Variants in FGF12 observed in about 807,000 individuals in gnomAD.
FGF12 encodes fibroblast growth factor 12B.
A neutral mutation model predicts 23.6 loss-of-function variants in FGF12; 14 were observed. The observed-to-expected ratio is 0.59, with a 90% CI of 0.39 to 0.93. FGF12 has a LOEUF of 0.93. Among genes scored for constraint, FGF12 ranks in the 40% least tolerant of loss-of-function variants. The probability of loss-of-function intolerance (pLI) is 0.00; values close to 1 mark genes in which losing one functional copy is unlikely to be tolerated. For synonymous variants in FGF12, 62 were observed against 77.3 expected (o/e 0.80, Z 1.04); for missense variants, 175 against 217.8 (o/e 0.80, Z 1.24).
intron 2 of FGF12, among the ~76,000 whole-genome samples, chr3:192,477,480 A>T (rs1723359838): frequency 6.6e-6 from 1 of 152,210 alleles, no homozygotes; most frequent in South Asian, 2.1e-4. Flanking sequence ...TATTAAGATA[A>T]ATGAAGAATA....
chr3:192,617,379 G>A (rs1714798635), intron 2 of FGF12, among the ~76,000 whole-genome samples: 1 of 152,018 alleles, frequency 6.6e-6, no homozygotes, highest in South Asian at 2.1e-4. Flanking sequence ...CGGAGAGAGT[G>A]GGGTTCAGGA....
At chr3:192,575,433 G>C (rs886383195) in intron 2 of FGF12, among the ~76,000 whole-genome samples, 2 of 152,090 alleles carry the variant, frequency 1.3e-5, no homozygotes, top group Non-Finnish European at 2.9e-5. Flanking sequence ...TTGGAATAAA[G>C]GACATTAACT....
At chr3:192,660,320 C>A (rs1267373904) in intron 2 of FGF12, among the ~76,000 whole-genome samples, 1 of 129,542 alleles carries the variant, frequency 7.7e-6, no homozygotes, top group African/African-American at 3.0e-5. Context: ...TGAGAACACA[C>A]GGACACAAGA....
chr3:192,647,633 T>C (rs1439377437), intron 2 of FGF12, among the ~76,000 whole-genome samples: 2 of 150,790 alleles, frequency 1.3e-5, no homozygotes, highest in Non-Finnish European at 3.0e-5. Context: ...CTGGGGAACA[T>C]AGCTTAACAC....
chr3:192,197,195 T>G (rs542406483), intron 4 of FGF12, among the ~76,000 whole-genome samples: 2 of 152,334 alleles, frequency 1.3e-5, no homozygotes, highest in Admixed American at 6.5e-5. Context: ...AGTATAAAAA[T>G]GTATTTTTAG....
Position 192,616,824 on chromosome 3 carries a change from C to T in FGF12, c.13+110357G>A, listed in dbSNP as rs567985147. Among the ~76,000 whole-genome samples, 7 of 151,722 alleles carry T rather than the reference C, an allele frequency of 4.6e-5. No individual in the cohort carries two copies. In the South Asian group the frequency reaches 1.2e-3, roughly 27 times the overall value. On this transcript the variant is annotated intron_variant, in intron 2 of 5. Transcript: ENST00000445105. The stretch of plus-strand genomic sequence containing the variant: ...TGTGATCATCAATTTATTTTGTGAT[C>T]AACTTGTATCATCCACTCTTTAGAG...
chr3:192,288,570 C>A (rs4687313), intron 4 of FGF12, among the ~76,000 whole-genome samples: 71,139 of 151,840 alleles, frequency 0.47, 17,851 homozygotes, highest in East Asian at 0.94. Flanking sequence ...CACGTTTCCA[C>A]TTAACAGCCT....
intron 4 of FGF12, among the ~76,000 whole-genome samples, chr3:192,228,002 G>A (rs66530556): frequency 0.06 from 9,146 of 152,214 alleles, 302 homozygotes; most frequent in South Asian, 0.08. Context: ...GTCATGGGGG[G>A]ATGAGGAAAG....
intron 2 of FGF12, among the ~76,000 whole-genome samples, chr3:192,538,429 T>G (rs970814991): frequency 3.3e-5 from 5 of 152,218 alleles, no homozygotes; most frequent in African/African-American, 1.2e-4. Flanking sequence ...AAGTTAACTG[T>G]AGACATATGG....
chr3:192,232,152 G>C (rs1719055785), intron 4 of FGF12, among the ~76,000 whole-genome samples: 1 of 151,910 alleles, frequency 6.6e-6, no homozygotes, highest in Non-Finnish European at 1.5e-5. Context: ...GCTATATGTG[G>C]TAGCTCTTTC....
chr3:192,725,799 T>C (rs1719195366), intron 2 of FGF12, among the ~76,000 whole-genome samples: 4 of 152,226 alleles, frequency 2.6e-5, no homozygotes, highest in Non-Finnish European at 4.4e-5. Context: ...TCAGCTAGAA[T>C]ATTACAAACC....
intron 2 of FGF12, among the ~76,000 whole-genome samples, chr3:192,475,638 T>C (rs1560122474): frequency 6.6e-6 from 1 of 152,244 alleles, no homozygotes. Context: ...TAAGTGATTA[T>C]GGATTCCAGT....
Position 192,714,826 on chromosome 3 carries a change from A to C in FGF12, c.13+12355T>G, listed in dbSNP as rs1434414910. Reference sequence around the variant, plus strand: ...AGCCACCGCGCCCGGCCAAGGAAATAATTTTTAAGCCTGACACTTTTCGAA... The same window carrying C: ...AGCCACCGCGCCCGGCCAAGGAAATCATTTTTAAGCCTGACACTTTTCGAA... On this transcript the variant is annotated intron_variant, in intron 2 of 5. Transcript: ENST00000445105. 3.9e-5 allele frequency among the ~76,000 whole-genome samples: 6 copies of C among 152,146 alleles called. 1 individual carries two copies. In the East Asian group the frequency reaches 1.2e-3, roughly 29 times the overall value.
intron 4 of FGF12, among the ~76,000 whole-genome samples, chr3:192,235,825 T>C (rs1719265330): frequency 6.6e-6 from 1 of 152,184 alleles, no homozygotes; most frequent in Non-Finnish European, 1.5e-5. Flanking sequence ...GGCTTGTTCA[T>C]CTTTTATATG....
intron 2 of FGF12, among the ~76,000 whole-genome samples, chr3:192,498,233 T>C (rs758098199): frequency 6.6e-6 from 1 of 152,208 alleles, no homozygotes; most frequent in Non-Finnish European, 1.5e-5. Flanking sequence ...TTTGATTATA[T>C]ATTTGCTCCC....
At chr3:192,325,176 A>G (rs1415039706) in intron 4 of FGF12, among the ~76,000 whole-genome samples, 4 of 152,126 alleles carry the variant, frequency 2.6e-5, no homozygotes, top group Non-Finnish European at 5.9e-5. Flanking sequence ...AGAATTCCAT[A>G]TTTTCTTTCT....
At chr3:192,280,132 G>A (rs1714059597) in intron 4 of FGF12, among the ~76,000 whole-genome samples, 1 of 152,056 alleles carries the variant, frequency 6.6e-6, no homozygotes, top group South Asian at 2.1e-4. Context: ...AGAGTGTGAT[G>A]GGGTTATACA....
At chr3:192,183,436 A>G (rs1354300019) in intron 4 of FGF12, among the ~76,000 whole-genome samples, 2 of 152,206 alleles carry the variant, frequency 1.3e-5, no homozygotes, top group African/African-American at 4.8e-5. Flanking sequence ...GTTTTTGAAA[A>G]AAATCTTTGC....
intron 2 of FGF12, among the ~76,000 whole-genome samples, chr3:192,449,942 G>A (rs979461977): frequency 3.9e-5 from 6 of 152,060 alleles, no homozygotes; most frequent in Non-Finnish European, 7.4e-5. Flanking sequence ...AGAATTCTTT[G>A]TACTTCTTAC....
Sources: allele counts gnomAD v4.1 joint callset (sites outside exome capture counted in the v4.1 genomes callset), GRCh38; gene constraint gnomAD v4.1.1; transcripts MANE v1.5; gene names NCBI Gene and HGNC (gene_info 2026-07-23, HGNC 2026-07-21).